The following PRKCB variants were observed in gnomAD, a reference collection of about 807,000 sequenced individuals.
PRKCB encodes the protein protein kinase C beta.
A neutral mutation model predicts 81.5 loss-of-function variants in PRKCB; 13 were observed. That is an observed-to-expected ratio of 0.16 (90% confidence interval 0.10 to 0.25). The LOEUF (loss-of-function observed/expected upper bound fraction) is 0.25. Among genes scored for constraint, PRKCB ranks in the 10% least tolerant of loss-of-function variants. PRKCB has a pLI of 1.00. For synonymous variants in PRKCB, 335 were observed against 321.4 expected, an observed-to-expected ratio of 1.04 and a Z score of -0.45; for missense variants, 509 against 875.7, an observed-to-expected ratio of 0.58 and a Z score of 5.29.
intron 5 of PRKCB, among the ~76,000 whole-genome samples, chr16:24,075,231 A>G (rs1362364678): frequency 6.6e-6 from 1 of 152,188 alleles, no homozygotes; most frequent in Non-Finnish European, 1.5e-5. Context: ...GCTAGTGGTT[A>G]CTATACTGGA....
In PRKCB at chr16:24,190,243, A is replaced by G. The variant is rs906207984; in HGVS notation, c.1723-847A>G. 9.8e-5 allele frequency among the ~76,000 whole-genome samples: 15 copies of G among 152,306 alleles called. No individual in the cohort carries two copies. In the East Asian group the frequency reaches 1.9e-3, roughly 20 times the overall value. On this transcript the variant is annotated intron_variant, in intron 15 of 16. Coordinates refer to ENST00000643927, the MANE Select transcript of PRKCB (RefSeq NM_002738.7). ...GGCTTTCAGAAAGTAATTACTTGAA[A>G]CTTGGGCCCCTTTGACTAATACTTT...
At position 24,214,826 on chromosome 16, in the gene PRKCB, TA is replaced by T; in HGVS notation, c.*11del. On this transcript the variant is annotated 3_prime_UTR_variant, in exon 17 of 17. Coordinates refer to ENST00000643927, the MANE Select transcript of PRKCB (RefSeq NM_002738.7). The stretch of plus-strand genomic sequence containing the variant: ...CGAAGTCAAGAGCTAAGTAGATGTG[TA>T]GATCTCCGTCCTTCATTTCTGTCAT... 6.2e-7 allele frequency: 1 copy of T among 1,612,450 alleles called. No individual in the cohort carries two copies. The highest frequency in any genetic ancestry group is 1.7e-4 in the Middle Eastern group (1 of 6,056).
intron 2 of PRKCB, among the ~76,000 whole-genome samples, chr16:23,982,014 T>C (rs1421413509): frequency 1.7e-4 from 18 of 104,408 alleles, no homozygotes; most frequent in South Asian, 3.6e-4. Context: ...ACTTCCCCTT[T>C]CCCTTCCACT....
chr16:23,880,876 A>G (rs914910672), intron 2 of PRKCB, among the ~76,000 whole-genome samples: 5 of 152,210 alleles, frequency 3.3e-5, no homozygotes, highest in Non-Finnish European at 7.3e-5. Flanking sequence ...TCAAGATGAC[A>G]TAAGAGACTA....
At chr16:24,021,282 T>TCC in intron 3 of PRKCB, among the ~76,000 whole-genome samples, 1 of 103,522 alleles carries the variant, frequency 9.7e-6, no homozygotes, top group African/African-American at 3.9e-5. Context: ...CTTTCTTTTC[T>TCC]CCCTCTCCCT....
At chr16:23,976,436 G>T (rs573883828) in intron 2 of PRKCB, among the ~76,000 whole-genome samples, 111 of 152,238 alleles carry the variant, frequency 7.3e-4, no homozygotes, top group African/African-American at 2.6e-3. Context: ...ATTCTCTTTG[G>T]GTGTCCTGAG....
rs565313580 is a variant in PRKCB at position 23,921,989 on chromosome 16, A to G, written c.206-66519A>G. Among the ~76,000 whole-genome samples the G allele has an allele frequency of 4.7e-4, 72 of 152,272 alleles. 1 individual carries two copies. In the South Asian group the frequency reaches 0.012, roughly 26 times the overall value. On this transcript the variant is annotated intron_variant, in intron 2 of 16. Coordinates refer to ENST00000643927, the MANE Select transcript of PRKCB (RefSeq NM_002738.7). ...GGGAAAGGGCAGAGCAGGCAGGGGA[A>G]CAGTAAGAGCAAAGGCTTGAAGGCA...
chr16:24,174,783 C>T (rs1346327900), intron 12 of PRKCB: 10 of 483,964 alleles, frequency 2.1e-5, no homozygotes, highest in South Asian at 1.2e-4. Context: ...TAGAAAATCT[C>T]GGTGGACTGT....
intron 9 of PRKCB, among the ~76,000 whole-genome samples, chr16:24,152,983 G>A (rs1328339339): frequency 1.3e-5 from 2 of 152,194 alleles, no homozygotes; most frequent in Non-Finnish European, 2.9e-5. Flanking sequence ...TGTGATGAGA[G>A]AGAAGATGGT....
At chr16:24,125,678 A>T (rs1966842463) in intron 9 of PRKCB, among the ~76,000 whole-genome samples, 1 of 152,106 alleles carries the variant, frequency 6.6e-6, no homozygotes, top group Non-Finnish European at 1.5e-5. Context: ...AAGAGTAGGG[A>T]TCTTCTCCGT....
At chr16:23,876,047 C>T (rs1191491794) in intron 2 of PRKCB, among the ~76,000 whole-genome samples, 2 of 152,154 alleles carry the variant, frequency 1.3e-5, no homozygotes, top group Non-Finnish European at 2.9e-5. Context: ...ATGTTTGCCA[C>T]TCTTTTAGAG....
chr16:24,208,796 C>T (rs897916589), intron 16 of PRKCB, among the ~76,000 whole-genome samples: 2 of 152,122 alleles, frequency 1.3e-5, no homozygotes, highest in Admixed American at 6.5e-5. Context: ...ATTTAGGGAG[C>T]GCTCCTGAAG....
intron 3 of PRKCB, among the ~76,000 whole-genome samples, chr16:23,990,437 G>A (rs1219016152): frequency 2.0e-5 from 3 of 150,440 alleles, no homozygotes; most frequent in Non-Finnish European, 4.4e-5. Context: ...CAGCCTGGGC[G>A]ACAGAGTGAG....
chr16:23,850,050 T>A (rs188973720), intron 2 of PRKCB, among the ~76,000 whole-genome samples: 35 of 152,346 alleles, frequency 2.3e-4, no homozygotes, highest in African/African-American at 8.4e-4. Flanking sequence ...ATTCCACATA[T>A]ACGTGAGATC....
intron 10 of PRKCB, among the ~76,000 whole-genome samples, chr16:24,157,451 G>A (rs536170556): frequency 7.9e-5 from 12 of 151,988 alleles, no homozygotes; most frequent in African/African-American, 2.2e-4. Context: ...ACCCCACTTC[G>A]CTCTGCACTT....
chr16:24,109,230 G>A (rs1966634014), intron 7 of PRKCB, among the ~76,000 whole-genome samples: 1 of 101,434 alleles, frequency 9.9e-6, no homozygotes, highest in African/African-American at 3.9e-5. Flanking sequence ...CAGTAGGGGC[G>A]GCCGGGCAGA....
At chr16:24,025,740 G>T (rs531635730) in intron 3 of PRKCB, among the ~76,000 whole-genome samples, 4 of 152,138 alleles carry the variant, frequency 2.6e-5, no homozygotes, top group African/African-American at 9.7e-5. Flanking sequence ...GTGAATGAAC[G>T]AATGAGTCAA....
At chr16:24,106,439 A>G (rs189505926) in intron 7 of PRKCB, among the ~76,000 whole-genome samples, 132 of 152,302 alleles carry the variant, frequency 8.7e-4, no homozygotes, top group Non-Finnish European at 1.5e-3. Context: ...TATTGACCCT[A>G]TAGAGAGAGA....
At chr16:24,105,795 G>A (rs1374726345) in intron 7 of PRKCB, among the ~76,000 whole-genome samples, 1 of 152,144 alleles carries the variant, frequency 6.6e-6, no homozygotes, top group East Asian at 1.9e-4. Flanking sequence ...ATTTGGGTTG[G>A]TTCCAAGTCT....
Sources: gnomAD v4.1 joint callset for allele counts (sites outside exome capture counted in the v4.1 genomes callset) on GRCh38, gnomAD v4.1.1 for gene constraint, MANE v1.5 for transcripts, NCBI Gene and HGNC (gene_info 2026-07-23, HGNC 2026-07-21) for gene names.